Variants in POU2F2 observed in about 807,000 individuals in gnomAD.
POU2F2 encodes POU domain, class 2, transcription factor 2.
In POU2F2, 14 loss-of-function variants were observed where a neutral mutation model predicts 63.5. That is an observed-to-expected ratio of 0.22 (90% CI 0.15 to 0.34). POU2F2 has a LOEUF of 0.34. Among genes scored for constraint, POU2F2 ranks in the 10% least tolerant of loss-of-function variants. The pLI, the probability that POU2F2 is intolerant of heterozygous loss-of-function variation, is 1.00. For synonymous variants in POU2F2, 306 were observed against 348.6 expected (o/e 0.88, Z 1.36); for missense variants, 607 against 815.2 (o/e 0.74, Z 3.11).
At chr19:42,190,313 C>CTATA (rs143152269) in intron 1 of POU2F2, among the ~76,000 whole-genome samples, 3 of 149,652 alleles carry the variant, frequency 2.0e-5, no homozygotes, top group African/African-American at 7.3e-5. Flanking sequence ...GTATAAAAAC[C>CTATA]TATATATATA....
upstream of POU2F2, among the ~76,000 whole-genome samples, chr19:42,135,596 A>T (rs1468906870): frequency 6.6e-6 from 1 of 152,174 alleles, no homozygotes; most frequent in East Asian, 1.9e-4. Context: ...GGCCCACCCG[A>T]GACACTGCTT....
chr19:42,148,274 A>G (rs2034272140), intron 2 of POU2F2, among the ~76,000 whole-genome samples: 1 of 152,042 alleles, frequency 6.6e-6, no homozygotes, highest in South Asian at 2.1e-4. Flanking sequence ...GTCTTCTATT[A>G]GGAAGGCCTT....
intron 1 of POU2F2, among the ~76,000 whole-genome samples, chr19:42,127,773 G>T (rs572736371): frequency 6.6e-6 from 1 of 152,116 alleles, no homozygotes; most frequent in East Asian, 1.9e-4. Context: ...ACCTTCCCTT[G>T]TCACTGTCTT....
rs148001599 is a variant in POU2F2 at position 42,161,640 on chromosome 19, G to A, written c.-69-1248C>T. Among the ~76,000 whole-genome samples, 276 of 152,132 alleles carry A rather than the reference G, an allele frequency of 1.8e-3. 1 individual carries two copies. The highest frequency in any genetic ancestry group is 0.01 in the Middle Eastern group (3 of 292). ...TAGACAGAGAGGAATGAAGGGAGCG[G>A]GGGCAAAGAGACCAGGGAAAAGCCC... is the stretch of plus-strand genomic sequence containing the variant. On this transcript the variant is annotated intron_variant, in intron 1 of 6. Transcript: ENST00000524801.
chr19:42,129,320 G>A (rs2033485184), intron 1 of POU2F2, among the ~76,000 whole-genome samples: 1 of 152,194 alleles, frequency 6.6e-6, no homozygotes, highest in Admixed American at 6.5e-5. Flanking sequence ...GCCCCTTGGA[G>A]CCATGTTGCC....
chr19:42,191,908 T>C lies in POU2F2; in HGVS notation c.-70+4475A>G, dbSNP rs551760065. On this transcript the variant is annotated intron_variant, in intron 1 of 5. Coordinates refer to the POU2F2 transcript ENST00000532176. ...TAAATGTGTCACCCAGGCAAGTGAC[T>C]TTACCTTCCTGAGTGTATATCCTCA... Among the ~76,000 whole-genome samples the C allele has an allele frequency of 9.8e-5, 15 of 152,300 alleles. No homozygotes were observed. In the South Asian group the frequency reaches 2.9e-3, roughly 29 times the overall value.
intron 5 of POU2F2, among the ~76,000 whole-genome samples, chr19:42,112,432 C>T (rs1479379080): frequency 1.3e-5 from 2 of 152,138 alleles, no homozygotes; most frequent in African/African-American, 2.4e-5. Context: ...TGCAGTGGCA[C>T]GATCTTGGCT....
rs1445271773 is a variant in POU2F2 at position 42,090,224 on chromosome 19, AACAG to A, written c.*1029_*1032del. ...TATGAATTTTTTTTTTTTTCAGGGA[AACAG>A]ACAGGATGGAAAAAGACAACTGAAT... On this transcript the variant is annotated 3_prime_UTR_variant, in exon 15 of 15. Coordinates refer to ENST00000692977, the MANE Select transcript of POU2F2 (RefSeq NM_001394376.1). The surrounding 1 kb of genome is among the most constrained non-coding windows in gnomAD (Gnocchi z 4.4). 4.6e-5 allele frequency: 7 copies of A among 152,626 alleles called. No homozygotes were observed. Among genetic ancestry groups the A allele is most frequent in the South Asian group, 2.1e-4 (1 of 4,814 alleles). The allele number at this position is 152,626 out of a possible 1,614,324, so 9.5% of individuals were successfully genotyped here.
Position 42,096,098 on chromosome 19 carries a change from T to C in POU2F2, c.713A>G (p.Lys238Arg). 1 of 1,613,752 alleles carries C rather than the reference T, an allele frequency of 6.2e-7. No homozygotes were observed. Among genetic ancestry groups the C allele is most frequent in the Non-Finnish European group, 8.5e-7 (1 of 1,179,798 alleles). Residue 238 changes from lysine to arginine, a missense_variant, in exon 8 of 15, where the codon AAG becomes AGG. Around this residue, in one of 7 missense-constraint regions of POU2F2, gnomAD observed 25 missense variants for 92.3 expected, o/e 0.27. Transcript: ENST00000692977. This position sits in a 1 kb window ranked among gnomAD's most constrained non-coding sequence, Gnocchi z 4.1. ...CCTCCAGACCTGCGTGAAGCCCAGCTTGATGCGGCGTTGCTTGAAGGTGCG... is the reference window on the plus strand; with the variant it reads ...CCTCCAGACCTGCGTGAAGCCCAGCCTGATGCGGCGTTGCTTGAAGGTGCG... ...FARTFKQRRI[K>R]LGFTQGDVGL... is the part of the protein sequence containing the mutation.
Position 42,089,839 on chromosome 19 carries a change from G to T in POU2F2, c.*1418C>A, listed in dbSNP as rs2076658828. The stretch of plus-strand genomic sequence containing the variant: ...TTTGTTGGCCTCCACAATAGCAGGA[G>T]GGCAGGGTGGCTCCCAGTGGTGTCT... On this transcript the variant is annotated 3_prime_UTR_variant, in exon 15 of 15. Transcript: ENST00000692977. The T allele has an allele frequency of 6.6e-6, 1 of 152,024 alleles. No individual in the cohort carries two copies. The highest frequency in any genetic ancestry group is 2.1e-4 in the South Asian group (1 of 4,822). 9.4% of individuals were successfully genotyped at this position (152,024 alleles called of 1,614,324 possible).
chr19:42,117,516 T>G lies in POU2F2; in HGVS notation c.187-84A>C, dbSNP rs116513662. On this transcript the variant is annotated intron_variant, in intron 4 of 14. Transcript: ENST00000692977. The surrounding 1 kb of genome is among the most constrained non-coding windows in gnomAD (Gnocchi z 4.4). ...GCAGACTGGGGTGTGGACATGAGGG[T>G]GCAGTCTGTGGTCCTGCACTGACCG... The G allele has an allele frequency of 1.7e-3, 1,140 of 665,598 alleles. 13 individuals are homozygous for G. In the African/African-American group the frequency reaches 0.019, roughly 11 times the overall value. The allele number at this position is 665,598 out of a possible 1,614,324, so 41.2% of individuals were successfully genotyped here.
upstream of POU2F2, among the ~76,000 whole-genome samples, chr19:42,178,740 A>T (rs2146812377): frequency 6.6e-6 from 1 of 152,348 alleles, no homozygotes; most frequent in East Asian, 1.9e-4. Context: ...ATACATAGGG[A>T]TTCTGAGAGA....
At chr19:42,140,364 A>G (rs2034102935) in intron 2 of POU2F2, among the ~76,000 whole-genome samples, 1 of 152,086 alleles carries the variant, frequency 6.6e-6, no homozygotes, top group South Asian at 2.1e-4. Context: ...GCAAGAGCCC[A>G]TGGCCTTGGT....
intron 1 of POU2F2, among the ~76,000 whole-genome samples, chr19:42,129,625 G>A (rs574821932): frequency 5.0e-4 from 76 of 152,218 alleles, no homozygotes; most frequent in African/African-American, 1.8e-3. Context: ...CCCTGCCTCC[G>A]CAGCCTGCTT....
upstream of POU2F2, among the ~76,000 whole-genome samples, chr19:42,135,821 C>T (rs554456636): frequency 3.3e-5 from 5 of 151,972 alleles, no homozygotes; most frequent in East Asian, 9.7e-4. Context: ...GCATCTCACG[C>T]CTCCTCAGCC....
Position 42,119,748 on chromosome 19 carries a change from T to C in POU2F2, c.187-2316A>G, listed in dbSNP as rs1469688203. The stretch of plus-strand genomic sequence containing the variant: ...CATTGCACTCCAGCCCGGGTGACAG[T>C]GCGAGACTCCGTCTCAAAAAAAAAA... On this transcript the variant is annotated intron_variant, in intron 4 of 14. Coordinates refer to ENST00000692977, the MANE Select transcript of POU2F2 (RefSeq NM_001394376.1). Among the ~76,000 whole-genome samples, 3 of 152,024 alleles carry C rather than the reference T, an allele frequency of 2.0e-5. No individual in the cohort carries two copies. The East Asian group carries it at 5.8e-4, about 29-fold the overall frequency.
chr19:42,131,916 CCACT>C (rs1222910677), intron 1 of POU2F2, among the ~76,000 whole-genome samples: 3 of 152,066 alleles, frequency 2.0e-5, no homozygotes. Context: ...CACAGCAGTC[CCACT>C]CAGAGCACTC....
rs1209435178 is a variant in POU2F2, at chr19:42,086,935, G to A, written c.*4322C>T. 4.6e-5 allele frequency: 7 copies of A among 152,190 alleles called. No homozygotes were observed. The East Asian group carries it at 1.2e-3, about 25-fold the overall frequency. 9.4% of individuals were successfully genotyped at this position (152,190 alleles called of 1,614,324 possible). ...TTTAACAAGGAGCTAACAATTCAAG[G>A]ACAAATACTTAAAAATATACATTAT... On this transcript the variant is annotated 3_prime_UTR_variant, in exon 15 of 15. Transcript: ENST00000692977.
chr19:42,123,206 T>A (rs911918964), intron 1 of POU2F2: 3 of 152,448 alleles, frequency 2.0e-5, no homozygotes, highest in Non-Finnish European at 4.4e-5. Context: ...CCCAACCTCA[T>A]CCTCTGTAAC....
Sources: gnomAD v4.1 joint callset for allele counts (sites outside exome capture counted in the v4.1 genomes callset) on GRCh38, gnomAD v4.1.1 for gene constraint, gnomAD v4.1.1 regional missense constraint, Gnocchi (gnomAD v3.1) non-coding constraint, MANE v1.5 for transcripts, NCBI Gene and HGNC (gene_info 2026-07-23, HGNC 2026-07-21) for gene names.